SIT1: variants seen among roughly 807,000 people sequenced by gnomAD.
SIT1 encodes signaling threshold-regulating transmembrane adapter 1.
Under a neutral mutation model 23.5 loss-of-function variants are expected in SIT1, and 19 were observed. The ratio of observed to expected loss-of-function variants is 0.81; its 90% confidence interval spans 0.56 to 1.19. The LOEUF (loss-of-function observed/expected upper bound fraction) is 1.19, where lower values mean the gene tolerates loss of function less well. Among genes scored for constraint, SIT1 ranks in the 50% most tolerant of loss-of-function variants. SIT1 has a pLI of 0.00. For missense variants in SIT1, 213 were observed against 254.9 expected, an observed-to-expected ratio of 0.84 and a Z score of 1.12; for synonymous variants, 114 against 109.1, an observed-to-expected ratio of 1.04 and a Z score of -0.28.
Position 35,649,894 on chromosome 9 carries a change from G to A in SIT1, c.545C>T (p.Ser182Phe). 4 of 1,583,078 alleles carry A rather than the reference G, an allele frequency of 2.5e-6. No homozygotes were observed. Among genetic ancestry groups the A allele is most frequent in the Non-Finnish European group, 3.4e-6 (4 of 1,164,930 alleles). Residue 182 changes from serine (S) to phenylalanine (F), a missense_variant, in exon 5 of 5, where the codon TCC becomes TTC. Transcript: ENST00000259608. ...GTTGGCATAGGCCTGATCCGGGAAG[G>A]AGGCCCGGGCCCTGCGGGTCTGGGC... Reference protein sequence around the residue: ...VCAQTRRARASFPDQAYANSQ... With the variant: ...VCAQTRRARAFFPDQAYANSQ...
chr9:35,650,569 T>C lies in SIT1; in HGVS notation c.169A>G (p.Ile57Val). The change falls in exon 2 of 5, where the codon ATC becomes GTC. Residue 57 changes from isoleucine to valine, a missense_variant. Physicochemically the swap from Ile to Val is conservative, Grantham distance 29. Coordinates refer to ENST00000259608, the MANE Select transcript of SIT1 (RefSeq NM_014450.3). This position sits in a 1 kb window ranked among gnomAD's most constrained non-coding sequence, Gnocchi z 4.8. ...TGGGACAAGTGTGCAGCCAGCGAGA[T>C]GAGAAATAGCAGCGTCACAGCCCCT... is the stretch of plus-strand genomic sequence containing the variant. Reference protein sequence around the residue: ...LLGAVTLLFLISLAAHLSQWT... With the variant: ...LLGAVTLLFLVSLAAHLSQWT... The C allele has an allele frequency of 6.2e-7, 1 of 1,613,688 alleles. No homozygotes were observed. Among genetic ancestry groups the C allele is most frequent in the South Asian group, 1.1e-5 (1 of 91,066 alleles).
In SIT1 at chr9:35,649,774, TG is replaced by T. The variant is rs918330644; in HGVS notation, c.*73del. ...GGCAATGGCGCCCGTCTTTGGGTGC[TG>T]GTTGGGAAACAGTCATGCCCCTGCT... On this transcript the variant is annotated 3_prime_UTR_variant, in exon 5 of 5. Coordinates refer to ENST00000259608, the MANE Select transcript of SIT1 (RefSeq NM_014450.3). The T allele has an allele frequency of 1.7e-6, 2 of 1,147,832 alleles. No individual in the cohort carries two copies. The highest frequency in any genetic ancestry group is 2.4e-6 in the Non-Finnish European group (2 of 836,314). The allele number at this position is 1,147,832 out of a possible 1,614,324, so 71.1% of individuals were successfully genotyped here.
At position 35,650,841 on chromosome 9, in the gene SIT1, C is replaced by T; in HGVS notation, c.13G>A (p.Asp5Asn). ...AAGCACACTGCTCTGAGCCGAGGGT[C>T]AGCCTGGTTCATGGCCTGACGGTTT... The part of the protein sequence containing the change: MNQA[D>N]PRLRAVCLWT... The change falls in exon 1 of 5, where the codon GAC becomes AAC. Residue 5 changes from aspartate to asparagine, a missense_variant. By Grantham distance (23) the Asp-to-Asn change is conservative. Coordinates refer to ENST00000259608, the MANE Select transcript of SIT1 (RefSeq NM_014450.3). The surrounding 1 kb of genome is among the most constrained non-coding windows in gnomAD (Gnocchi z 4.8). 1 of 1,610,210 alleles carries T rather than the reference C, an allele frequency of 6.2e-7. No individual in the cohort carries two copies. Among genetic ancestry groups the T allele is most frequent in the Non-Finnish European group, 8.5e-7 (1 of 1,178,162 alleles).
Position 35,649,486 on chromosome 9 carries a change from C to G in SIT1, c.*362G>C, listed in dbSNP as rs1823438203. The G allele has an allele frequency of 5.0e-6, 1 of 198,898 alleles. No homozygotes were observed. Among genetic ancestry groups the G allele is most frequent in the African/African-American group, 2.3e-5 (1 of 43,084 alleles). 12.3% of individuals were successfully genotyped at this position (198,898 alleles called of 1,614,324 possible). A position where few individuals can be genotyped will look rare whatever the true frequency, so the allele number is the denominator to read the frequency against. ...CCCACCCACTGTCAGGCCCTTACCC[C>G]TCCCCCACCGCCCACTTCCTGTGCC... On this transcript the variant is annotated 3_prime_UTR_variant, in exon 5 of 5. Transcript: ENST00000259608.
rs1654546585 is a variant in SIT1, at chr9:35,650,913, G to A, written c.-60C>T. 2 of 1,271,946 alleles carry A rather than the reference G, an allele frequency of 1.6e-6. No homozygotes were observed. The allele number at this position is 1,271,946 out of a possible 1,614,324, so 78.8% of individuals were successfully genotyped here. A position where few individuals can be genotyped will look rare whatever the true frequency, so the allele number is the denominator to read the frequency against. ...TCCCTCCTCAGGCCCGTACCCCGCA[G>A]CTCAGCATCCCCAATACTGGTGGTG... On this transcript the variant is annotated 5_prime_UTR_variant, in exon 1 of 5. Coordinates refer to ENST00000259608, the MANE Select transcript of SIT1 (RefSeq NM_014450.3). The surrounding 1 kb of genome is among the most constrained non-coding windows in gnomAD (Gnocchi z 4.8).
Position 35,650,695 on chromosome 9 carries a change from A to T in SIT1, c.101-58T>A. 2 of 1,609,138 alleles carry T rather than the reference A, an allele frequency of 1.2e-6. No individual in the cohort carries two copies. The highest frequency in any genetic ancestry group is 1.7e-6 in the Non-Finnish European group (2 of 1,176,456). On this transcript the variant is annotated intron_variant, in intron 1 of 4. Transcript: ENST00000259608. This position sits in a 1 kb window ranked among gnomAD's most constrained non-coding sequence, Gnocchi z 4.8. ...CCCCGCCCCACCCCCAGGGCCCAGCAGGTGGGACCTGGGGCCACATGACCC... is the reference window on the plus strand; with the variant it reads ...CCCCGCCCCACCCCCAGGGCCCAGCTGGTGGGACCTGGGGCCACATGACCC...
chr9:35,649,692 A>C lies in SIT1; in HGVS notation c.*156T>G, dbSNP rs1235779744. On this transcript the variant is annotated 3_prime_UTR_variant, in exon 5 of 5. Transcript: ENST00000259608. Reference sequence around the variant, plus strand: ...CCTCCATCACGAAAGCTTTGCCCTGAGATGTCTCCCTTGAAGCTCAGATAG... The same window carrying C: ...CCTCCATCACGAAAGCTTTGCCCTGCGATGTCTCCCTTGAAGCTCAGATAG... 2 of 556,892 alleles carry C rather than the reference A, an allele frequency of 3.6e-6. No homozygotes were observed. The highest frequency in any genetic ancestry group is 6.2e-6 in the Non-Finnish European group (2 of 320,858). 34.5% of individuals were successfully genotyped at this position (556,892 alleles called of 1,614,324 possible).
rs780982278 is a variant in SIT1 at position 35,650,661 on chromosome 9, G to A, written c.101-24C>T. On this transcript the variant is annotated intron_variant, in intron 1 of 4. Coordinates refer to ENST00000259608, the MANE Select transcript of SIT1 (RefSeq NM_014450.3). The surrounding 1 kb of genome is among the most constrained non-coding windows in gnomAD (Gnocchi z 4.8). ...TCCTGTGGATGTGAAAGGAAGGGGG[G>A]TGTAACAGCCCCGCCCCACCCCCAG... The A allele has an allele frequency of 2.0e-5, 33 of 1,612,800 alleles. No homozygotes were observed. Among genetic ancestry groups the A allele is most frequent in the Non-Finnish European group, 2.7e-5 (32 of 1,179,560 alleles).
rs1367424107 is a variant in SIT1, at chr9:35,649,940, C to T, written c.499G>A (p.Glu167Lys). Residue 167 changes from glutamate (E) to lysine (K), a missense_variant, in exon 5 of 5, where the codon GAG becomes AAG. Glu to Lys is a moderately conservative substitution (Grantham distance 56). Coordinates refer to ENST00000259608, the MANE Select transcript of SIT1 (RefSeq NM_014450.3). ...TGGGCACATACTGAGGCATAGAGCT[C>T]CGGCTCGGGGCCCGAGGCCTGGGAC... ...PKSQASGPEP[E>K]LYASVCAQTR... 6.3e-7 allele frequency: 1 copy of T among 1,584,374 alleles called. No homozygotes were observed. The highest frequency in any genetic ancestry group is 1.3e-5 in the African/African-American group (1 of 74,652).
Position 35,649,808 on chromosome 9 carries a change from G to T in SIT1, c.*40C>A, listed in dbSNP as rs979987917. ...AACAGTCATGCCCCTGCTACGGGGG[G>T]CTGGGGCAGTGCACGCCCCGCTGTG... On this transcript the variant is annotated 3_prime_UTR_variant, in exon 5 of 5. Coordinates refer to ENST00000259608, the MANE Select transcript of SIT1 (RefSeq NM_014450.3). The T allele has an allele frequency of 3.6e-6, 5 of 1,389,266 alleles. No individual in the cohort carries two copies. The Admixed American group carries it at 7.6e-5, about 21-fold the overall frequency. 86.1% of individuals were successfully genotyped at this position (1,389,266 alleles called of 1,614,324 possible). A position where few individuals can be genotyped will look rare whatever the true frequency, so the allele number is the denominator to read the frequency against.
Position 35,650,498 on chromosome 9 carries a change from C to G in SIT1, c.236+4G>C. ...TCAACCCATCCCTGTTGTCCTTCAC[C>G]CACCGTCCCTGCCCCGGATGGCTCC... On this transcript the variant is annotated splice_donor_region_variant and intron_variant, in intron 2 of 4. Coordinates refer to ENST00000259608, the MANE Select transcript of SIT1 (RefSeq NM_014450.3). This position sits in a 1 kb window ranked among gnomAD's most constrained non-coding sequence, Gnocchi z 4.8. 6.2e-7 allele frequency: 1 copy of G among 1,614,084 alleles called. No homozygotes were observed. Among genetic ancestry groups the G allele is most frequent in the Non-Finnish European group, 8.5e-7 (1 of 1,180,010 alleles).
rs1823439277 is a variant in SIT1, at chr9:35,649,551, CG to C, written c.*296del. 5 of 294,886 alleles carry C rather than the reference CG, an allele frequency of 1.7e-5. No homozygotes were observed. In the South Asian group the frequency reaches 4.4e-4, roughly 26 times the overall value. 18.3% of individuals were successfully genotyped at this position (294,886 alleles called of 1,614,324 possible). ...GGCGTGGGGGTAGACTATGAGGGAG[CG>C]GGGGTGGGGAGGATCTGGTTAAACT... On this transcript the variant is annotated 3_prime_UTR_variant, in exon 5 of 5. Coordinates refer to ENST00000259608, the MANE Select transcript of SIT1 (RefSeq NM_014450.3).
Position 35,649,802 on chromosome 9 carries a change from C to T in SIT1, c.*46G>A, listed in dbSNP as rs539196083. On this transcript the variant is annotated 3_prime_UTR_variant, in exon 5 of 5. Coordinates refer to ENST00000259608, the MANE Select transcript of SIT1 (RefSeq NM_014450.3). Reference sequence around the variant, plus strand: ...TTGGGAAACAGTCATGCCCCTGCTACGGGGGGCTGGGGCAGTGCACGCCCC... The same window carrying T: ...TTGGGAAACAGTCATGCCCCTGCTATGGGGGGCTGGGGCAGTGCACGCCCC... The T allele has an allele frequency of 1.3e-5, 18 of 1,363,572 alleles. No homozygotes were observed. Among genetic ancestry groups the T allele is most frequent in the Middle Eastern group, 2.3e-4 (1 of 4,410 alleles). 84.5% of individuals were successfully genotyped at this position (1,363,572 alleles called of 1,614,324 possible). A position where few individuals can be genotyped will look rare whatever the true frequency, so the allele number is the denominator to read the frequency against.
chr9:35,650,863 G>T lies in SIT1; in HGVS notation c.-10C>A. The stretch of plus-strand genomic sequence containing the variant: ...GGTCAGCCTGGTTCATGGCCTGACG[G>T]TTTCCACAGCACTTCTTACTCCCAT... On this transcript the variant is annotated 5_prime_UTR_variant, in exon 1 of 5. Transcript: ENST00000259608. This position sits in a 1 kb window ranked among gnomAD's most constrained non-coding sequence, Gnocchi z 4.8. 5 of 1,595,264 alleles carry T rather than the reference G, an allele frequency of 3.1e-6. No homozygotes were observed. The highest frequency in any genetic ancestry group is 4.3e-6 in the Non-Finnish European group (5 of 1,169,708).
In SIT1 at chr9:35,650,538, G is replaced by T. The variant is rs2131801210; in HGVS notation, c.200C>A (p.Thr67Asn). 6.2e-7 allele frequency: 1 copy of T among 1,613,964 alleles called. No individual in the cohort carries two copies. Among genetic ancestry groups the T allele is most frequent in the East Asian group, 2.2e-5 (1 of 44,880 alleles). Residue 67 changes from threonine to asparagine, a missense_variant, in exon 2 of 5, where the codon ACC becomes AAC. Transcript: ENST00000259608. This position sits in a 1 kb window ranked among gnomAD's most constrained non-coding sequence, Gnocchi z 4.8. ...ISLAAHLSQW[T>N]RGRSRSHPGQ... Reference sequence around the variant, plus strand: ...CGGATGGCTCCTGCTCCGGCCCCTGGTCCACTGGGACAAGTGTGCAGCCAG... The same window carrying T: ...CGGATGGCTCCTGCTCCGGCCCCTGTTCCACTGGGACAAGTGTGCAGCCAG...
chr9:35,650,105 G>A lies in SIT1; in HGVS notation c.358-24C>T. 1.9e-6 allele frequency: 3 copies of A among 1,612,106 alleles called. No homozygotes were observed. Among genetic ancestry groups the A allele is most frequent in the East Asian group, 2.2e-5 (1 of 44,834 alleles). The stretch of plus-strand genomic sequence containing the variant: ...GCCTGGAGATGCAAGGCTGTTAGAA[G>A]TTCACTGGACCCTCGGAAAAGCCCG... On this transcript the variant is annotated intron_variant, in intron 4 of 4. Coordinates refer to ENST00000259608, the MANE Select transcript of SIT1 (RefSeq NM_014450.3). This position sits in a 1 kb window ranked among gnomAD's most constrained non-coding sequence, Gnocchi z 4.8.
rs756725182 is a variant in SIT1, at chr9:35,649,911, G to C, written c.528C>G (p.Thr176=). The C allele has an allele frequency of 1.4e-5, 22 of 1,586,178 alleles. No individual in the cohort carries two copies. The Admixed American group carries it at 3.6e-4, about 26-fold the overall frequency. Residue 176 remains threonine, a synonymous_variant, in exon 5 of 5, where the codon ACC becomes ACG. Coordinates refer to ENST00000259608, the MANE Select transcript of SIT1 (RefSeq NM_014450.3). ...CCGGGAAGGAGGCCCGGGCCCTGCG[G>C]GTCTGGGCACATACTGAGGCATAGA... ...PELYASVCAQ[T]RRARASFPDQ... is the part of the protein sequence containing the mutation.
Position 35,650,135 on chromosome 9 carries a change from G to GC in SIT1, c.357+48dup. The GC allele has an allele frequency of 6.2e-7, 1 of 1,612,090 alleles. No individual in the cohort carries two copies. Among genetic ancestry groups the GC allele is most frequent in the South Asian group, 1.1e-5 (1 of 90,950 alleles). ...CTGGACCCTCGGAAAAGCCCGAAAA[G>GC]CCCCCCACTTCCTTCCCTCCCCCTT... On this transcript the variant is annotated intron_variant, in intron 4 of 4. Coordinates refer to ENST00000259608, the MANE Select transcript of SIT1 (RefSeq NM_014450.3). This position sits in a 1 kb window ranked among gnomAD's most constrained non-coding sequence, Gnocchi z 4.8.
At position 35,649,700 on chromosome 9, in the gene SIT1, C is replaced by A. The variant is rs887912234; in HGVS notation, c.*148G>T. 5.2e-6 allele frequency: 3 copies of A among 580,468 alleles called. No homozygotes were observed. The highest frequency in any genetic ancestry group is 8.9e-6 in the Non-Finnish European group (3 of 337,720). The allele number at this position is 580,468 out of a possible 1,614,324, so 36.0% of individuals were successfully genotyped here. Reference sequence around the variant, plus strand: ...ACGAAAGCTTTGCCCTGAGATGTCTCCCTTGAAGCTCAGATAGGAAGTCCG... The same window carrying A: ...ACGAAAGCTTTGCCCTGAGATGTCTACCTTGAAGCTCAGATAGGAAGTCCG... On this transcript the variant is annotated 3_prime_UTR_variant, in exon 5 of 5. Transcript: ENST00000259608.
Sources: gnomAD v4.1 joint callset for allele counts on GRCh38, gnomAD v4.1.1 for gene constraint, Gnocchi (gnomAD v3.1) non-coding constraint, MANE v1.5 for transcripts, NCBI Gene and HGNC (gene_info 2026-07-23, HGNC 2026-07-21) for gene names.